PKHD1L1: variants seen among roughly 807,000 people sequenced by gnomAD.
PKHD1L1 encodes the protein fibrocystin-L.
A neutral mutation model predicts 462.9 loss-of-function variants in PKHD1L1; 434 were observed. The observed-to-expected ratio is 0.94, with a 90% CI of 0.87 to 1.02. The LOEUF (loss-of-function observed/expected upper bound fraction) is 1.02, where lower values mean the gene tolerates loss of function less well. PKHD1L1 is among the 50% of genes least tolerant of loss of function. The probability of loss-of-function intolerance (pLI) is 0.00; values close to 1 mark genes in which losing one functional copy is unlikely to be tolerated. For synonymous variants in PKHD1L1, 1,781 were observed against 1,750.0 expected, an observed-to-expected ratio of 1.02 and a Z score of -0.44; for missense variants, 5,202 against 5,096.1, an observed-to-expected ratio of 1.02 and a Z score of -0.63.
At chr8:109,495,533 C>T (rs1408886970) in intron 63 of PKHD1L1, among the ~76,000 whole-genome samples, 1 of 152,018 alleles carries the variant, frequency 6.6e-6, no homozygotes, top group Non-Finnish European at 1.5e-5. Flanking sequence ...ATCCATCCTC[C>T]AGGCAAGAGT....
At chr8:109,417,666 C>T (rs559101031) in intron 21 of PKHD1L1, among the ~76,000 whole-genome samples, 32 of 152,278 alleles carry the variant, frequency 2.1e-4, no homozygotes, top group African/African-American at 7.2e-4. Flanking sequence ...GCCTCTGCCT[C>T]GGCCTCCTGA....
intron 33 of PKHD1L1, 144 bp from the exon 34 acceptor site, chr8:109,441,131 A>G: frequency 1.5e-6 from 1 of 655,678 alleles, no homozygotes; most frequent in Non-Finnish European, 2.5e-6. Flanking sequence ...ATCAGAAAAG[A>G]AGTTCTGAAG....
intron 24 of PKHD1L1, among the ~76,000 whole-genome samples, chr8:109,426,243 A>T (rs1421644301): frequency 6.6e-6 from 1 of 152,040 alleles, no homozygotes; most frequent in Non-Finnish European, 1.5e-5. Flanking sequence ...ATTGTTATTA[A>T]TTTAATCAAA....
At chr8:109,508,887 G>A (rs1324784309) in intron 70 of PKHD1L1, among the ~76,000 whole-genome samples, 3 of 152,098 alleles carry the variant, frequency 2.0e-5, no homozygotes, top group Non-Finnish European at 4.4e-5. Context: ...CAGCTTAGGA[G>A]ACCAAGGCTT....
chr8:109,414,961 CATTATTATTATTATTATTATTATTATT>C (rs3058250), intron 21 of PKHD1L1, among the ~76,000 whole-genome samples: 16 of 140,672 alleles, frequency 1.1e-4, no homozygotes, highest in African/African-American at 2.6e-4. Flanking sequence ...ATCATCCCAA[CATTATTATTATTATTATTATTATTATT>C]ATTATTATTA....
At chr8:109,493,968 C>T (rs1240734075) in intron 63 of PKHD1L1, among the ~76,000 whole-genome samples, 2 of 151,562 alleles carry the variant, frequency 1.3e-5, no homozygotes, top group Non-Finnish European at 3.0e-5. Flanking sequence ...GTTTATGATC[C>T]CAAAACTCCA....
intron 67 of PKHD1L1, among the ~76,000 whole-genome samples, chr8:109,503,917 T>A (rs1158821685): frequency 6.6e-6 from 1 of 152,188 alleles, no homozygotes; most frequent in Non-Finnish European, 1.5e-5. Context: ...TGCTGACAGT[T>A]GGTGCTGGCC....
rs751983189 is a variant in PKHD1L1, at chr8:109,405,178, T to A, written c.1669+48T>A. The A allele has an allele frequency of 1.1e-5, 13 of 1,195,388 alleles. No individual in the cohort carries two copies. In the South Asian group the frequency reaches 2.2e-4, roughly 20 times the overall value. 74.0% of individuals were successfully genotyped at this position (1,195,388 alleles called of 1,614,324 possible). On this transcript the variant is annotated intron_variant, in intron 16 of 77. Transcript: ENST00000378402. ...GATACTGTTTCTGTTCATGTATAGA[T>A]GTAGTCATAAAGTATTTGCTGTAGT...
At position 109,452,892 on chromosome 8, in the gene PKHD1L1, T is replaced by C; in HGVS notation, c.6664+18T>C. 1 of 1,368,902 alleles carries C rather than the reference T, an allele frequency of 7.3e-7. No individual in the cohort carries two copies. Among genetic ancestry groups the C allele is most frequent in the Non-Finnish European group, 9.6e-7 (1 of 1,045,560 alleles). 84.8% of individuals were successfully genotyped at this position (1,368,902 alleles called of 1,614,324 possible). On this transcript the variant is annotated intron_variant, in intron 43 of 77. Coordinates refer to ENST00000378402, the MANE Select transcript of PKHD1L1 (RefSeq NM_177531.6). The stretch of plus-strand genomic sequence containing the variant: ...TATTCAGGGTAAATTTCTGAATATC[T>C]GTTCATTGGACTCTGCCTGATAAAT...
chr8:109,508,238 G>T lies in PKHD1L1; in HGVS notation c.11369G>T (p.Gly3790Val). 6.2e-7 allele frequency: 1 copy of T among 1,610,920 alleles called. No individual in the cohort carries two copies. The highest frequency in any genetic ancestry group is 1.1e-5 in the South Asian group (1 of 90,408). The stretch of plus-strand genomic sequence containing the variant: ...AGACTTTCCCCAGTGGCTATAATGG[G>T]CAACGGTTATGTTGATCTTATTAAT... ...TRRLSPVAIMGNGYVDLINGP... is the reference protein window; with the variant it reads ...TRRLSPVAIMVNGYVDLINGP... Residue 3790 changes from glycine (G) to valine (V), a missense_variant, in exon 70 of 78, where the codon GGC becomes GTC. Gly to Val is a moderately radical substitution (Grantham distance 109). Transcript: ENST00000378402.
At chr8:109,365,733 T>C (rs1343528720) in intron 2 of PKHD1L1, among the ~76,000 whole-genome samples, 1 of 152,202 alleles carries the variant, frequency 6.6e-6, no homozygotes, top group Admixed American at 6.5e-5. Context: ...TCCAGCACTT[T>C]GGGAGCCCAA....
intron 39 of PKHD1L1, 49 bp from the exon 40 acceptor site, chr8:109,449,289 A>C: frequency 6.7e-7 from 1 of 1,495,038 alleles, no homozygotes; most frequent in Non-Finnish European, 9.0e-7. Context: ...ACACAGAAGA[A>C]GTTTTATTTT....
At chr8:109,515,369 C>A in intron 72 of PKHD1L1, 64 bp downstream of exon 72, 2 of 1,228,034 alleles carry the variant, frequency 1.6e-6, no homozygotes, top group Admixed American at 3.6e-5. Context: ...TTTTAAGTGT[C>A]TGATTATTAG....
At chr8:109,458,901 A>C (rs2844252) in intron 46 of PKHD1L1, among the ~76,000 whole-genome samples, 76,323 of 151,846 alleles carry the variant, frequency 0.5, 19,445 homozygotes, top group South Asian at 0.68. Flanking sequence ...GCAGGTTAGA[A>C]CCTCAATAAA....
intron 76 of PKHD1L1, 45 bp downstream of exon 76, chr8:109,523,431 A>G: frequency 6.6e-7 from 1 of 1,506,944 alleles, no homozygotes; most frequent in Non-Finnish European, 9.1e-7. Context: ...CCATAAATAG[A>G]GACAATTATA....
chr8:109,429,190 A>G, intron 25 of PKHD1L1, 150 bp from the exon 26 acceptor site: 1 of 690,018 alleles, frequency 1.4e-6, no homozygotes, highest in Non-Finnish European at 2.2e-6. Flanking sequence ...GGCTCCTTTT[A>G]TTTAAAAAAA....
intron 50 of PKHD1L1, among the ~76,000 whole-genome samples, chr8:109,474,566 A>C (rs1320312157): frequency 6.6e-6 from 1 of 152,152 alleles, no homozygotes; most frequent in Non-Finnish European, 1.5e-5. Flanking sequence ...CATTAAAGTC[A>C]AACAAAATTA....
chr8:109,536,988 T>C lies in PKHD1L1; in HGVS notation c.*6898T>C, dbSNP rs1393253414. Among the ~76,000 whole-genome samples, 2 of 152,232 alleles carry C rather than the reference T, an allele frequency of 1.3e-5. No homozygotes were observed. Among genetic ancestry groups the C allele is most frequent in the Non-Finnish European group, 2.9e-5 (2 of 68,032 alleles). ...TAATTTTCCAGAATATTAATGTTTATTATTTTGAAAGCAAGTAAAATTCTC... is the reference window on the plus strand; with the variant it reads ...TAATTTTCCAGAATATTAATGTTTACTATTTTGAAAGCAAGTAAAATTCTC... On this transcript the variant is annotated 3_prime_UTR_variant, in exon 78 of 78. Transcript: ENST00000378402.
intron 50 of PKHD1L1, among the ~76,000 whole-genome samples, chr8:109,467,944 CTTA>C (rs1817536499): frequency 6.6e-6 from 1 of 152,096 alleles, no homozygotes; most frequent in Non-Finnish European, 1.5e-5. Context: ...TCCAAGTGCA[CTTA>C]TTTTTTCTCT....
Sources: allele counts gnomAD v4.1 joint callset (sites outside exome capture counted in the v4.1 genomes callset), GRCh38; gene constraint gnomAD v4.1.1; transcripts MANE v1.5; gene names NCBI Gene and HGNC (gene_info 2026-07-23, HGNC 2026-07-21).